Variants in GRIN2B observed in about 807,000 individuals in gnomAD.
GRIN2B encodes glutamate ionotropic receptor NMDA type subunit 2B, also known as glutamate receptor ionotropic, NMDA 2B.
In GRIN2B, 5 loss-of-function variants were observed where a neutral mutation model predicts 114.5. The ratio of observed to expected loss-of-function variants is 0.04; its 90% CI spans 0.02 to 0.09. The LOEUF is 0.09. Among genes scored for constraint, GRIN2B ranks in the 10% least tolerant of loss-of-function variants. GRIN2B has a pLI of 1.00. For synonymous variants in GRIN2B, 787 were observed against 745.1 expected, an observed-to-expected ratio of 1.06 and a Z score of -0.92; for missense variants, 1,108 against 1,943.5, an observed-to-expected ratio of 0.57 and a Z score of 8.08.
At chr12:13,673,814 A>G (rs1950045303) in intron 5 of GRIN2B, among the ~76,000 whole-genome samples, 1 of 151,944 alleles carries the variant, frequency 6.6e-6, no homozygotes, top group Non-Finnish European at 1.5e-5. Context: ...AGTAATTGTG[A>G]GCCTACTGCA....
chr12:13,970,242 TGA>T (rs1395597452), intron 2 of GRIN2B, among the ~76,000 whole-genome samples: 3 of 152,166 alleles, frequency 2.0e-5, no homozygotes, highest in Non-Finnish European at 1.5e-5. Context: ...TAATTAGTGA[TGA>T]GAGAGAGCTT....
intron 10 of GRIN2B, among the ~76,000 whole-genome samples, chr12:13,608,348 G>C (rs1949316179): frequency 6.6e-6 from 1 of 152,144 alleles, no homozygotes; most frequent in Admixed American, 6.5e-5. Context: ...CACTCAGAAA[G>C]CCGCTAACAT....
chr12:13,625,758 G>A (rs555621860), intron 5 of GRIN2B, among the ~76,000 whole-genome samples: 6 of 152,044 alleles, frequency 3.9e-5, no homozygotes, highest in African/African-American at 1.2e-4. Flanking sequence ...TTTCATTCAC[G>A]TGCAAATAAA....
At chr12:13,588,481 T>A (rs1459970602) in intron 10 of GRIN2B, among the ~76,000 whole-genome samples, 1 of 152,170 alleles carries the variant, frequency 6.6e-6, no homozygotes, top group Non-Finnish European at 1.5e-5. Context: ...GATGGCTACT[T>A]GAGAAATAGA....
chr12:13,583,010 G>A (rs368495941), intron 10 of GRIN2B, among the ~76,000 whole-genome samples: 1 of 152,304 alleles, frequency 6.6e-6, no homozygotes, highest in African/African-American at 2.4e-5. Flanking sequence ...TGGTCCCTGA[G>A]TTAGCAGAGC....
At chr12:13,913,811 C>T (rs1425722948) in intron 2 of GRIN2B, among the ~76,000 whole-genome samples, 1 of 152,128 alleles carries the variant, frequency 6.6e-6, no homozygotes, top group African/African-American at 2.4e-5. Flanking sequence ...CACTTTCTTG[C>T]TGTGTGACCT....
At chr12:13,864,447 A>C (rs1352208852) in intron 3 of GRIN2B, among the ~76,000 whole-genome samples, 1 of 152,222 alleles carries the variant, frequency 6.6e-6, no homozygotes, top group Non-Finnish European at 1.5e-5. Flanking sequence ...GGCAGGTTTG[A>C]ATGTGGTGAT....
intron 13 of GRIN2B, 42 bp downstream of exon 13, chr12:13,566,983 C>T: frequency 7.4e-7 from 1 of 1,348,094 alleles, no homozygotes; most frequent in Non-Finnish European, 1.1e-6. Context: ...CTAGGCTAAG[C>T]TGTCCCTAAC....
intron 2 of GRIN2B, among the ~76,000 whole-genome samples, chr12:13,949,389 C>T (rs530737877): frequency 1.3e-5 from 2 of 152,258 alleles, no homozygotes; most frequent in East Asian, 3.9e-4. Context: ...AGAAACTTTC[C>T]TCTCCCTCTT....
chr12:13,580,396 T>C (rs1306636552), intron 10 of GRIN2B, among the ~76,000 whole-genome samples: 1 of 152,232 alleles, frequency 6.6e-6, no homozygotes, highest in Non-Finnish European at 1.5e-5. Flanking sequence ...TTTGCAGGGA[T>C]CCATCCATAT....
chr12:13,773,378 C>T (rs910689883), intron 3 of GRIN2B, among the ~76,000 whole-genome samples: 3 of 152,170 alleles, frequency 2.0e-5, no homozygotes, highest in Non-Finnish European at 4.4e-5. Flanking sequence ...TGCAGAGCTA[C>T]GCATCTGTCA....
chr12:13,578,580 G>A (rs1425932134), intron 10 of GRIN2B, among the ~76,000 whole-genome samples: 4 of 152,180 alleles, frequency 2.6e-5, no homozygotes, highest in Non-Finnish European at 5.9e-5. Context: ...GCTACATGAA[G>A]TAGAAGAATC....
chr12:13,864,208 T>C (rs1432485561), intron 3 of GRIN2B, among the ~76,000 whole-genome samples: 1 of 152,204 alleles, frequency 6.6e-6, no homozygotes, highest in Non-Finnish European at 1.5e-5. Context: ...ACTTTTAACT[T>C]GACCTTTCCT....
intron 9 of GRIN2B, 75 bp from the exon 10 acceptor site, chr12:13,608,907 G>C (rs1022334210): frequency 9.7e-7 from 1 of 1,034,252 alleles, no homozygotes; most frequent in Non-Finnish European, 1.5e-6. Flanking sequence ...AATACACAGG[G>C]TGAGTCCCTG....
At chr12:13,871,171 A>G (rs1293522989) in intron 2 of GRIN2B, among the ~76,000 whole-genome samples, 1 of 152,190 alleles carries the variant, frequency 6.6e-6, no homozygotes, top group Non-Finnish European at 1.5e-5. Flanking sequence ...AGCATGAGTT[A>G]TAAGTTCGAA....
chr12:13,768,993 C>T (rs1863855017), intron 3 of GRIN2B, among the ~76,000 whole-genome samples: 1 of 152,146 alleles, frequency 6.6e-6, no homozygotes, highest in Non-Finnish European at 1.5e-5. Context: ...GAGATCGCAC[C>T]ACTGCACTCC....
Position 13,897,758 on chromosome 12 carries a change from A to G in GRIN2B, c.-18-31532T>C, listed in dbSNP as rs529103749. ...TAAAAATTACATCAATAAAGCAGAA[A>G]GAGATGGATGAATAGATATTTAGAT... On this transcript the variant is annotated intron_variant, in intron 2 of 13. Transcript: ENST00000609686. 2.0e-5 allele frequency among the ~76,000 whole-genome samples: 3 copies of G among 152,268 alleles called. 1 individual carries two copies. In the South Asian group the frequency reaches 6.2e-4, roughly 32 times the overall value.
At chr12:13,948,791 T>A (rs1462818153) in intron 2 of GRIN2B, among the ~76,000 whole-genome samples, 1 of 152,096 alleles carries the variant, frequency 6.6e-6, no homozygotes, top group Non-Finnish European at 1.5e-5. Flanking sequence ...ACACCCGGAA[T>A]GTAAGGAAGG....
In GRIN2B at chr12:13,552,983, T is replaced by A. The variant is rs1194646150; in HGVS notation, c.*9800A>T. On this transcript the variant is annotated 3_prime_UTR_variant, in exon 14 of 14. Transcript: ENST00000609686. ...TAGTATGCTTTAAATTAGCACACAGTGGCAGAAGATGCCTCCCAAAGGGGA... is the reference window on the plus strand; with the variant it reads ...TAGTATGCTTTAAATTAGCACACAGAGGCAGAAGATGCCTCCCAAAGGGGA... 1 of 152,182 alleles carries A rather than the reference T, an allele frequency of 6.6e-6. No individual in the cohort carries two copies. Among genetic ancestry groups the A allele is most frequent in the Admixed American group, 6.5e-5 (1 of 15,282 alleles). 9.4% of individuals were successfully genotyped at this position (152,182 alleles called of 1,614,324 possible). A position where few individuals can be genotyped will look rare whatever the true frequency, so the allele number is the denominator to read the frequency against.
Sources: allele counts gnomAD v4.1 joint callset (sites outside exome capture counted in the v4.1 genomes callset), GRCh38; gene constraint gnomAD v4.1.1; transcripts MANE v1.5; gene names NCBI Gene and HGNC (gene_info 2026-07-23, HGNC 2026-07-21).